KIZ: variants seen among roughly 807,000 people sequenced by gnomAD.
KIZ encodes the protein centrosomal protein kizuna.
In KIZ, 68 loss-of-function variants were observed where a neutral mutation model predicts 79.6. That is an observed-to-expected ratio of 0.85 (90% confidence interval 0.70 to 1.05). The LOEUF is 1.05. Among genes scored for constraint, KIZ ranks in the 50% least tolerant of loss-of-function variants. KIZ has a pLI of 0.00. For missense variants in KIZ, 797 were observed against 800.4 expected (o/e 1.00, Z 0.05); for synonymous variants, 280 against 281.8 (o/e 0.99, Z 0.06).
chr20:21,126,855 T>C (rs946569815), intron 1 of KIZ, among the ~76,000 whole-genome samples: 1 of 152,128 alleles, frequency 6.6e-6, no homozygotes, highest in Non-Finnish European at 1.5e-5. Context: ...AGAGAGAAAA[T>C]TATACCGCAA....
intron 9 of KIZ, among the ~76,000 whole-genome samples, chr20:21,223,149 G>A (rs1429249665): frequency 6.6e-6 from 1 of 152,138 alleles, no homozygotes; most frequent in Non-Finnish European, 1.5e-5. Flanking sequence ...ATAAAATACA[G>A]CTTTCTGATG....
intron 9 of KIZ, among the ~76,000 whole-genome samples, chr20:21,223,303 G>C (rs1310737674): frequency 1.3e-5 from 2 of 152,180 alleles, no homozygotes; most frequent in African/African-American, 4.8e-5. Context: ...TCAGTTTCAA[G>C]CCTGGAATTT....
chr20:21,212,557 T>C (rs1271811833), intron 7 of KIZ, among the ~76,000 whole-genome samples: 2 of 152,240 alleles, frequency 1.3e-5, no homozygotes, highest in Non-Finnish European at 2.9e-5. Flanking sequence ...AGGTTAGGTG[T>C]GTTAAATACA....
chr20:21,235,767 C>G (rs1407638900), intron 11 of KIZ, among the ~76,000 whole-genome samples: 4 of 152,226 alleles, frequency 2.6e-5, no homozygotes, highest in African/African-American at 4.8e-5. Context: ...AGAAGTCACC[C>G]CGCCACTGTA....
intron 6 of KIZ, among the ~76,000 whole-genome samples, chr20:21,172,473 C>T (rs180815513): frequency 6.6e-5 from 10 of 152,054 alleles, no homozygotes; most frequent in Non-Finnish European, 1.0e-4. Flanking sequence ...GGTGTGGTGG[C>T]GCACGCTTGA....
intron 3 of KIZ, among the ~76,000 whole-genome samples, chr20:21,139,757 A>T (rs1342289700): frequency 6.6e-6 from 1 of 152,218 alleles, no homozygotes; most frequent in Non-Finnish European, 1.5e-5. Context: ...GCTGCTTAAG[A>T]CTATCAACAT....
At chr20:21,157,741 G>C (rs546551561) in intron 4 of KIZ, among the ~76,000 whole-genome samples, 1 of 152,274 alleles carries the variant, frequency 6.6e-6, no homozygotes, top group African/African-American at 2.4e-5. Flanking sequence ...GCCCTCCTCA[G>C]GTGTCTTTCT....
In KIZ at chr20:21,136,484, C is replaced by G; in HGVS notation, c.247C>G (p.Arg83Gly). 1 of 1,597,428 alleles carries G rather than the reference C, an allele frequency of 6.3e-7. No homozygotes were observed. Among genetic ancestry groups the G allele is most frequent in the Non-Finnish European group, 8.5e-7 (1 of 1,169,916 alleles). The change falls in exon 3 of 13, where the codon CGA (arginine) becomes GGA (glycine). Residue 83 changes from arginine (R) to glycine (G), a missense_variant. Transcript: ENST00000619189. ...AHTRNQEYLK[R>G]FERVQAHVVH... Reference sequence around the variant, plus strand: ...TACTCGAAACCAAGAATATTTAAAGCGATTTGAGCGTGTCCAAGCTCATGT... The same window carrying G: ...TACTCGAAACCAAGAATATTTAAAGGGATTTGAGCGTGTCCAAGCTCATGT...
At position 21,133,814 on chromosome 20, in the gene KIZ, G is replaced by A. The variant is rs6137270; in HGVS notation, c.152+1655G>A. 4.0e-4 allele frequency among the ~76,000 whole-genome samples: 61 copies of A among 152,320 alleles called. No individual in the cohort carries two copies. In the East Asian group the frequency reaches 0.01, roughly 26 times the overall value. On this transcript the variant is annotated intron_variant, in intron 2 of 12. Coordinates refer to ENST00000619189, the MANE Select transcript of KIZ (RefSeq NM_018474.6). Reference sequence around the variant, plus strand: ...AGCTGTTCACTGCAGTGAGCACCTGGGGCTCAGTCCCTCCAGACCTTCAGA... The same window carrying A: ...AGCTGTTCACTGCAGTGAGCACCTGAGGCTCAGTCCCTCCAGACCTTCAGA...
chr20:21,187,064 G>A (rs1205233624), intron 6 of KIZ, among the ~76,000 whole-genome samples: 1 of 151,784 alleles, frequency 6.6e-6, no homozygotes. Context: ...ATGTTTATTG[G>A]AGCATTTCAG....
chr20:21,137,044 C>G lies in KIZ; in HGVS notation c.315+492C>G, dbSNP rs1259942790. On this transcript the variant is annotated intron_variant, in intron 3 of 12. Coordinates refer to ENST00000619189, the MANE Select transcript of KIZ (RefSeq NM_018474.6). ...CGGTGTAACACATGGTATTTGTTGG[C>G]TGAATGACTGAATTTGAGCAGCATT... Among the ~76,000 whole-genome samples the G allele has an allele frequency of 5.9e-5, 9 of 152,298 alleles. No homozygotes were observed. In the East Asian group the frequency reaches 1.7e-3, roughly 29 times the overall value.
intron 6 of KIZ, among the ~76,000 whole-genome samples, chr20:21,170,558 T>C (rs2122788828): frequency 6.6e-6 from 1 of 152,154 alleles, no homozygotes; most frequent in East Asian, 1.9e-4. Flanking sequence ...CTGGCTAATT[T>C]TTTGTATTTT....
intron 4 of KIZ, among the ~76,000 whole-genome samples, chr20:21,156,375 A>T (rs180808624): frequency 2.0e-5 from 3 of 152,350 alleles, no homozygotes; most frequent in Admixed American, 1.3e-4. Context: ...ATAGAATGGT[A>T]TTACATTGTT....
At chr20:21,220,589 T>TA (rs2036471445) in intron 9 of KIZ, among the ~76,000 whole-genome samples, 2 of 152,096 alleles carry the variant, frequency 1.3e-5, no homozygotes, top group African/African-American at 2.4e-5. Context: ...GTTCAAGCGA[T>TA]TCTCGTGCCA....
chr20:21,214,943 TGAA>T (rs1275285398), intron 8 of KIZ, among the ~76,000 whole-genome samples: 47 of 152,328 alleles, frequency 3.1e-4, no homozygotes, highest in African/African-American at 9.4e-4. Flanking sequence ...AAAATAAGTA[TGAA>T]GAAGTTACGA....
intron 6 of KIZ, among the ~76,000 whole-genome samples, chr20:21,171,888 G>C (rs563220451): frequency 6.6e-6 from 1 of 152,232 alleles, no homozygotes; most frequent in Non-Finnish European, 1.5e-5. Flanking sequence ...AAGAAATTAT[G>C]TGTAGGTGCC....
chr20:21,173,171 T>C (rs1168630565), intron 6 of KIZ, among the ~76,000 whole-genome samples: 3 of 151,246 alleles, frequency 2.0e-5, no homozygotes, highest in Admixed American at 2.0e-4. Context: ...CAGGGAGTGC[T>C]GTTTGGATAA....
chr20:21,193,357 C>T (rs2035198026), intron 6 of KIZ, among the ~76,000 whole-genome samples: 2 of 152,092 alleles, frequency 1.3e-5, no homozygotes. Flanking sequence ...TTTTCTGTAG[C>T]CCTCATACAG....
At chr20:21,231,284 A>G (rs1019607997) in intron 10 of KIZ, among the ~76,000 whole-genome samples, 4 of 152,156 alleles carry the variant, frequency 2.6e-5, no homozygotes, top group African/African-American at 9.7e-5. Flanking sequence ...AGATCACACC[A>G]CTGCACTCCA....
Sources: gnomAD v4.1 joint callset for allele counts (sites outside exome capture counted in the v4.1 genomes callset) on GRCh38, gnomAD v4.1.1 for gene constraint, MANE v1.5 for transcripts, NCBI Gene and HGNC (gene_info 2026-07-23, HGNC 2026-07-21) for gene names.